Variants in HOMER2 observed in about 807,000 individuals in gnomAD.
The protein encoded by HOMER2 is homer protein homolog 2.
Under a neutral mutation model 47.0 loss-of-function variants are expected in HOMER2, and 27 were observed. That is an observed-to-expected ratio of 0.57 (90% CI 0.42 to 0.79). The LOEUF (loss-of-function observed/expected upper bound fraction) is 0.79. HOMER2 is among the 30% of genes least tolerant of loss of function. The probability of loss-of-function intolerance (pLI) is 0.00; values close to 1 mark genes in which losing one functional copy is unlikely to be tolerated. For missense variants in HOMER2, 443 were observed against 435.0 expected (o/e 1.02, Z -0.16); for synonymous variants, 161 against 163.8 (o/e 0.98, Z 0.13).
At chr15:82,972,084 T>C (rs562178950) in intron 1 of HOMER2, among the ~76,000 whole-genome samples, 1 of 152,332 alleles carries the variant, frequency 6.6e-6, no homozygotes, top group South Asian at 2.1e-4. Context: ...CCATTGTAAG[T>C]GTACAATTCA....
At chr15:82,950,771 C>T (rs866750089) in intron 1 of HOMER2, among the ~76,000 whole-genome samples, 4 of 152,204 alleles carry the variant, frequency 2.6e-5, no homozygotes, top group South Asian at 2.1e-4. Context: ...AATCCCCAAG[C>T]GTCTCCTCCC....
chr15:82,890,957 C>T (rs2052686144), intron 2 of HOMER2, among the ~76,000 whole-genome samples: 3 of 152,136 alleles, frequency 2.0e-5, no homozygotes, highest in Non-Finnish European at 4.4e-5. Context: ...AATAAAGGCA[C>T]CTTTCAGATG....
At chr15:82,911,597 T>C (rs1433511763) in intron 1 of HOMER2, among the ~76,000 whole-genome samples, 1 of 152,250 alleles carries the variant, frequency 6.6e-6, no homozygotes, top group East Asian at 1.9e-4. Context: ...AGAGTGTTTA[T>C]ATTTTCATTT....
chr15:82,929,653 CAAAAAAAA>C (rs373315567), intron 1 of HOMER2, among the ~76,000 whole-genome samples: 1 of 91,004 alleles, frequency 1.1e-5, no homozygotes, highest in African/African-American at 4.0e-5. Context: ...GTGAGACTAT[CAAAAAAAA>C]AAAAAAAAAA....
At chr15:82,858,245 ATAG>A (rs1426730162) in intron 5 of HOMER2, among the ~76,000 whole-genome samples, 1 of 151,992 alleles carries the variant, frequency 6.6e-6, no homozygotes, top group Admixed American at 6.6e-5. Flanking sequence ...TCATATTTTA[ATAG>A]TTTATGTTTT....
chr15:82,913,268 A>G lies in HOMER2; in HGVS notation c.6-20427T>C, dbSNP rs1485064769. Among the ~76,000 whole-genome samples the G allele has an allele frequency of 6.6e-6, 1 of 152,124 alleles. No individual in the cohort carries two copies. The highest frequency in any genetic ancestry group is 6.5e-5 in the Admixed American group (1 of 15,284). ...GTGGTTATGGCAGCCACCAGTGCCC[A>G]AGGAGAACATCCACTTTTCTTACTT... On this transcript the variant is annotated intron_variant, in intron 1 of 8. Coordinates refer to ENST00000450735, the MANE Select transcript of HOMER2 (RefSeq NM_004839.4). This position sits in a 1 kb window ranked among gnomAD's most constrained non-coding sequence, Gnocchi z 4.1.
At chr15:82,929,882 C>T (rs898416871) in intron 1 of HOMER2, among the ~76,000 whole-genome samples, 3 of 151,864 alleles carry the variant, frequency 2.0e-5, no homozygotes, top group African/African-American at 7.2e-5. Context: ...AGGCATGTGC[C>T]ACCACGCCTG....
chr15:82,917,968 A>C (rs1337978060), intron 1 of HOMER2, among the ~76,000 whole-genome samples: 1 of 152,120 alleles, frequency 6.6e-6, no homozygotes, highest in Admixed American at 6.5e-5. Flanking sequence ...TGCTGAGACT[A>C]GAGCCCTGCA....
Position 82,859,195 on chromosome 15 carries a change from G to C in HOMER2, c.388-60C>G, listed in dbSNP as rs776971971. 7 of 1,609,446 alleles carry C rather than the reference G, an allele frequency of 4.3e-6. No individual in the cohort carries two copies. The Admixed American group carries it at 1.2e-4, about 27-fold the overall frequency. On this transcript the variant is annotated intron_variant, in intron 4 of 8. Coordinates refer to ENST00000450735, the MANE Select transcript of HOMER2 (RefSeq NM_004839.4). ...TGGCCAAAGTGAATTATCTTCACAC[G>C]TTATTGCTTGTCTGCACATCGGCAG...
chr15:82,844,549 G>A (rs1329003977), downstream of HOMER2: 2 of 152,176 alleles, frequency 1.3e-5, no homozygotes, highest in African/African-American at 4.8e-5. Context: ...ACACACAGAT[G>A]CATAGAAAAA....
chr15:82,965,145 T>A (rs1421043696), intron 1 of HOMER2, among the ~76,000 whole-genome samples: 2 of 152,066 alleles, frequency 1.3e-5, no homozygotes, highest in Non-Finnish European at 2.9e-5. Context: ...TCAGCTTCTC[T>A]ATTAGCTGGG....
chr15:82,910,391 T>C (rs922965310), intron 1 of HOMER2, among the ~76,000 whole-genome samples: 24 of 152,168 alleles, frequency 1.6e-4, no homozygotes, highest in African/African-American at 5.3e-4. Flanking sequence ...GTGAGAGGAC[T>C]GAGCACCTTA....
At chr15:82,952,495 G>C (rs2054529397) in intron 1 of HOMER2, 36 bp downstream of exon 1, 1 of 1,181,424 alleles carries the variant, frequency 8.5e-7, no homozygotes, top group Non-Finnish European at 1.1e-6. Flanking sequence ...CCCTCCGGAG[G>C]GGCGCGCGGA....
In HOMER2 at chr15:82,913,155, G is replaced by A. The variant is rs1261244914; in HGVS notation, c.6-20314C>T. On this transcript the variant is annotated intron_variant, in intron 1 of 8. Transcript: ENST00000450735. The surrounding 1 kb of genome is among the most constrained non-coding windows in gnomAD (Gnocchi z 4.1). ...GGGCAGGCCATATTTCAAAGACGAC[G>A]AAGATGTCATACTGGACTCTGCTAT... Among the ~76,000 whole-genome samples the A allele has an allele frequency of 5.3e-5, 8 of 152,150 alleles. No individual in the cohort carries two copies. Among genetic ancestry groups the A allele is most frequent in the Admixed American group, 2.6e-4 (4 of 15,270 alleles).
At chr15:82,945,814 C>CA (rs1215358668) in intron 1 of HOMER2, among the ~76,000 whole-genome samples, 1 of 151,794 alleles carries the variant, frequency 6.6e-6, no homozygotes, top group Non-Finnish European at 1.5e-5. Flanking sequence ...ACTAAAAATA[C>CA]AAAAAATTAG....
At chr15:82,981,549 A>G (rs1461176919) in intron 1 of HOMER2, among the ~76,000 whole-genome samples, 1 of 152,252 alleles carries the variant, frequency 6.6e-6, no homozygotes, top group Admixed American at 6.5e-5. Flanking sequence ...ACTTGAATAG[A>G]TATTTGTGTA....
rs757073475 is a variant in HOMER2 at position 82,882,881 on chromosome 15, CTTTTTTTTTT to C, written c.163-7487_163-7478del. Among the ~76,000 whole-genome samples, 9 of 27,038 alleles carry C rather than the reference CTTTTTTTTTT, an allele frequency of 3.3e-4. 3 individuals carry two copies. The highest frequency in any genetic ancestry group is 4.4e-4 in the Non-Finnish European group (7 of 15,828). 17.7% of individuals were successfully genotyped at this position (27,038 alleles called of 152,430 possible). ...TGAGTCCATTCTACACCAGCCACTG[CTTTTTTTTTT>C]TTTTTTTTTTTTTTTATTATACTCT... is the stretch of plus-strand genomic sequence containing the variant. On this transcript the variant is annotated intron_variant, in intron 2 of 8. Transcript: ENST00000450735.
intron 1 of HOMER2, among the ~76,000 whole-genome samples, chr15:82,922,457 G>A (rs1195050143): frequency 6.6e-6 from 1 of 152,150 alleles, no homozygotes; most frequent in Non-Finnish European, 1.5e-5. Flanking sequence ...AAAGCCTCAA[G>A]TTTAAAAATA....
chr15:82,931,839 AAAAACAAAAC>A (rs200238784), intron 1 of HOMER2, among the ~76,000 whole-genome samples: 1,781 of 152,322 alleles, frequency 0.012, 9 homozygotes, highest in Non-Finnish European at 0.016. Flanking sequence ...CTCCGTCTCA[AAAAACAAAAC>A]AAAACAAAAC....
Sources: allele counts gnomAD v4.1 joint callset (sites outside exome capture counted in the v4.1 genomes callset), GRCh38; gene constraint gnomAD v4.1.1; non-coding constraint Gnocchi (gnomAD v3.1); transcripts MANE v1.5; gene names NCBI Gene and HGNC (gene_info 2026-07-23, HGNC 2026-07-21).